Variants in TTN observed in about 807,000 individuals in gnomAD.
TTN encodes the protein titin, also known as connectin.
A neutral mutation model predicts 3,223.0 loss-of-function variants in TTN; 1,525 were observed. The ratio of observed to expected loss-of-function variants is 0.47; its 90% CI spans 0.45 to 0.49. The LOEUF (loss-of-function observed/expected upper bound fraction) is 0.49. Among genes scored for constraint, TTN ranks in the 20% least tolerant of loss-of-function variants. The pLI is 0.00. For missense variants in TTN, 40,786 were observed against 43,424.0 expected, an observed-to-expected ratio of 0.94 and a Z score of 5.40; for synonymous variants, 14,094 against 15,161.0, an observed-to-expected ratio of 0.93 and a Z score of 5.17.
At position 178,776,184 on chromosome 2, in the gene TTN, T is replaced by C. The variant is rs751529942; in HGVS notation, c.5680A>G (p.Ile1894Val). ...SKRFRVRYDG[I>V]HYLDIVDCKS... is the part of the protein sequence containing the mutation. ...CAGTCCACGATGTCCAGGTAATGGATACCATCATAGCGAACTCTGAACCTT... is the reference window on the plus strand; with the variant it reads ...CAGTCCACGATGTCCAGGTAATGGACACCATCATAGCGAACTCTGAACCTT... Residue 1894 changes from isoleucine (I) to valine (V), a missense_variant, in exon 28 of 363, where the codon ATC becomes GTC. Transcript: ENST00000589042. The C allele has an allele frequency of 2.5e-6, 4 of 1,614,168 alleles. No homozygotes were observed. In the South Asian group the frequency reaches 4.4e-5, roughly 18 times the overall value.
chr2:178,604,346 C>G, intron 281 of TTN, 41 bp from the exon 282 acceptor site: 1 of 1,379,994 alleles, frequency 7.2e-7, no homozygotes, highest in Non-Finnish European at 9.4e-7. Context: ...AGAGAATATA[C>G]TTATGTTGGT....
chr2:178,726,083 T>G, intron 69 of TTN, 37 bp from the exon 70 acceptor site: 1 of 1,491,758 alleles, frequency 6.7e-7, no homozygotes, highest in Non-Finnish European at 8.9e-7. Context: ...ATTGGGCTAC[T>G]GAATTTCACA....
At chr2:178,789,137 T>C (rs1194301111) in intron 13 of TTN, among the ~76,000 whole-genome samples, 2 of 152,032 alleles carry the variant, frequency 1.3e-5, no homozygotes, top group African/African-American at 2.4e-5. Flanking sequence ...ACAATAATGG[T>C]GAAGAGATAA....
Position 178,706,676 on chromosome 2 carries a change from TTTGTCCA to T in TTN, c.29191_29197del (p.Trp9731LysfsTer7). ...TTGGTTCAGCTGTCTCCACTTCCCT[TTTGTCCA>T]TTTAACATTTGGGATTGGGTCACCT... On this transcript the variant is annotated frameshift_variant, in exon 102 of 363. Coordinates refer to ENST00000589042, the MANE Select transcript of TTN (RefSeq NM_001267550.2). LOFTEE classifies it high-confidence loss of function. 1 of 1,613,808 alleles carries T rather than the reference TTTGTCCA, an allele frequency of 6.2e-7. No individual in the cohort carries two copies.
intron 13 of TTN, among the ~76,000 whole-genome samples, 167 bp downstream of exon 13, chr2:178,789,193 T>C (rs1219950658): frequency 1.3e-5 from 2 of 152,142 alleles, no homozygotes; most frequent in Non-Finnish European, 2.9e-5. Context: ...TAAATTTTTT[T>C]AGTTTCCAAT....
intron 22 of TTN, 36 bp downstream of exon 22, chr2:178,779,964 T>C (rs1390913837): frequency 2.1e-5 from 34 of 1,589,858 alleles, no homozygotes; most frequent in Non-Finnish European, 2.8e-5. Context: ...GTATAATTTA[T>C]GAAATTGTTT....
At chr2:178,726,290 A>C in intron 69 of TTN, 1 of 355,612 alleles carries the variant, frequency 2.8e-6, no homozygotes, top group Non-Finnish European at 5.0e-6. Flanking sequence ...CATTCTATCT[A>C]CTACACCTTA....
At position 178,618,507 on chromosome 2, in the gene TTN, A is replaced by G. The variant is rs752426817; in HGVS notation, c.46967-16T>C. ...CCAGGAACATCTGAAATTCACATAT[A>G]GAGGAATTTTTTTAGTGTGCTGTCT... On this transcript the variant is annotated splice_polypyrimidine_tract_variant and intron_variant, in intron 251 of 362. Transcript: ENST00000589042. 11 of 1,609,718 alleles carry G rather than the reference A, an allele frequency of 6.8e-6. No individual in the cohort carries two copies. The South Asian group carries it at 1.2e-4, about 18-fold the overall frequency.
chr2:178,695,796 C>T, intron 114 of TTN, 69 bp downstream of exon 114: 1 of 1,203,840 alleles, frequency 8.3e-7, no homozygotes, highest in East Asian at 2.7e-5. Flanking sequence ...AGGTTCATAG[C>T]ATTGAAAATT....
chr2:178,706,596 C>A lies in TTN; in HGVS notation c.29278G>T (p.Asp9760Tyr). 13 of 1,613,876 alleles carry A rather than the reference C, an allele frequency of 8.1e-6. No individual in the cohort carries two copies. The highest frequency in any genetic ancestry group is 1.1e-5 in the Non-Finnish European group (13 of 1,179,846). The change falls in exon 102 of 363, where the codon GAC (aspartate) becomes TAC (tyrosine). Residue 9760 changes from aspartate (D) to tyrosine (Y), a missense_variant. Physicochemically the swap from Asp to Tyr is radical, Grantham distance 160. Transcript: ENST00000589042. ...AACCCAGAATCAGTTTTTGTGGTGTCCCTAATCTCCAGTTTTGCTTCATCG... is the reference window on the plus strand; with the variant it reads ...AACCCAGAATCAGTTTTTGTGGTGTACCTAATCTCCAGTTTTGCTTCATCG... ...KGDEAKLEIR[D>Y]TTKTDSGLYR...
chr2:178,567,596 G>T lies in TTN; in HGVS notation c.78536C>A (p.Thr26179Asn). ...CTCATCCTTGGCAGTTATTGGTCCA[G>T]TACTGTCAGAGGGTTTACTTATTGC... Reference protein sequence around the residue: ...AGAISKPSDSTGPITAKDEVE... With the variant: ...AGAISKPSDSNGPITAKDEVE... Residue 26179 changes from threonine to asparagine, a missense_variant, in exon 326 of 363, where the codon ACT becomes AAT. Coordinates refer to ENST00000589042, the MANE Select transcript of TTN (RefSeq NM_001267550.2). 6.2e-7 allele frequency: 1 copy of T among 1,611,684 alleles called. No homozygotes were observed. The highest frequency in any genetic ancestry group is 8.5e-7 in the Non-Finnish European group (1 of 1,178,532).
chr2:178,766,875 T>C (rs2090537366), intron 40 of TTN, among the ~76,000 whole-genome samples: 1 of 152,206 alleles, frequency 6.6e-6, no homozygotes, highest in African/African-American at 2.4e-5. Flanking sequence ...AATTATTTCA[T>C]CCTTAAATGT....
At position 178,764,645 on chromosome 2, in the gene TTN, A is replaced by G. The variant is rs727503680; in HGVS notation, c.9870T>C (p.Asp3290=). ...STGFKCKFLH[D]GQEYTLLLIE... The stretch of plus-strand genomic sequence containing the variant: ...TTAGCAAAAGCGTGTATTCTTGCCC[A>G]TCATGAAGAAATTTGCACTTGAAGC... The change falls in exon 42 of 363, where the codon GAT becomes GAC. Residue 3290 remains aspartate, a synonymous_variant. Coordinates refer to ENST00000589042, the MANE Select transcript of TTN (RefSeq NM_001267550.2). 7 of 1,613,970 alleles carry G rather than the reference A, an allele frequency of 4.3e-6. No homozygotes were observed. Among genetic ancestry groups the G allele is most frequent in the South Asian group, 1.1e-5 (1 of 91,084 alleles).
In TTN at chr2:178,771,220, T is replaced by C. The variant is rs2091436984; in HGVS notation, c.8107A>G (p.Lys2703Glu). 1.9e-6 allele frequency: 3 copies of C among 1,613,934 alleles called. No homozygotes were observed. Among genetic ancestry groups the C allele is most frequent in the African/African-American group, 2.7e-5 (2 of 74,940 alleles). ...VATSKTSAKL[K>E]VEAVKIKKTL... The stretch of plus-strand genomic sequence containing the variant: ...ATCCTATGTTACTTGCCTTCAACTT[T>C]GAGTTTGGCAGATGTTTTGGAGGTG... Residue 2703 changes from lysine to glutamate, a missense_variant, in exon 34 of 363, where the codon AAA becomes GAA. Coordinates refer to ENST00000589042, the MANE Select transcript of TTN (RefSeq NM_001267550.2).
At position 178,614,277 on chromosome 2, in the gene TTN, G is replaced by A; in HGVS notation, c.49120C>T (p.Pro16374Ser). 1 of 1,612,670 alleles carries A rather than the reference G, an allele frequency of 6.2e-7. No individual in the cohort carries two copies. Among genetic ancestry groups the A allele is most frequent in the South Asian group, 1.1e-5 (1 of 91,046 alleles). Residue 16374 changes from proline (P) to serine (S), a missense_variant, in exon 262 of 363, where the codon CCA (proline) becomes TCA (serine). Physicochemically the swap from Pro to Ser is moderately conservative, Grantham distance 74 (BLOSUM62 -1). Coordinates refer to ENST00000589042, the MANE Select transcript of TTN (RefSeq NM_001267550.2). ...TNESCLLTWNPPRDDGGSKIT... is the reference protein window; with the variant it reads ...TNESCLLTWNSPRDDGGSKIT... ...TTAGATCCACCATCATCGCGTGGTGGGTTCCATGTTAGAAGACATGACTCA... is the reference window on the plus strand; with the variant it reads ...TTAGATCCACCATCATCGCGTGGTGAGTTCCATGTTAGAAGACATGACTCA...
rs745748342 is a variant in TTN at position 178,800,350 on chromosome 2, C to G, written c.583+45G>C. ...ACGCTTGGCCCCATTTAGACACAAA[C>G]CAGCTCTCTCCCCTTCTCTCTGTTC... On this transcript the variant is annotated intron_variant, in intron 4 of 362. Coordinates refer to ENST00000589042, the MANE Select transcript of TTN (RefSeq NM_001267550.2). The G allele has an allele frequency of 6.2e-6, 10 of 1,612,922 alleles. No individual in the cohort carries two copies. In the East Asian group the frequency reaches 2.2e-4, roughly 36 times the overall value.
At position 178,620,595 on chromosome 2, in the gene TTN, T is replaced by G. The variant is rs540113938; in HGVS notation, c.45926A>C (p.Lys15309Thr). 2 of 1,610,380 alleles carry G rather than the reference T, an allele frequency of 1.2e-6. No individual in the cohort carries two copies. The highest frequency in any genetic ancestry group is 1.3e-5 in the African/African-American group (1 of 74,784). ...TTTCTTCTCCATTGTTTCAATATCT[T>G]TAAGAGGCTCAACAATCCTAAGGTC... ...EEDLRIVEPLKDIETMEKKSV... is the reference protein window; with the variant it reads ...EEDLRIVEPLTDIETMEKKSV... The change falls in exon 248 of 363, where the codon AAA becomes ACA. Residue 15309 changes from lysine to threonine, a missense_variant. Lys to Thr is a moderately conservative substitution (Grantham distance 78, BLOSUM62 -1). Coordinates refer to ENST00000589042, the MANE Select transcript of TTN (RefSeq NM_001267550.2).
chr2:178,580,414 T>C lies in TTN; in HGVS notation c.66965A>G (p.Glu22322Gly). The C allele has an allele frequency of 6.2e-7, 1 of 1,613,326 alleles. No homozygotes were observed. The highest frequency in any genetic ancestry group is 8.5e-7 in the Non-Finnish European group (1 of 1,179,496). The change falls in exon 317 of 363, where the codon GAA (glutamate) becomes GGA (glycine). Residue 22322 changes from glutamate (E) to glycine (G), a missense_variant. Coordinates refer to ENST00000589042, the MANE Select transcript of TTN (RefSeq NM_001267550.2). Reference protein sequence around the residue: ...STDFDTFLRCENVNKYDAGKY... With the variant: ...STDFDTFLRCGNVNKYDAGKY... The stretch of plus-strand genomic sequence containing the variant: ...TCCTGCATCATATTTGTTCACATTT[T>C]CACAGCGCAAGAAAGTGTCAAAGTC...
At chr2:178,693,887 C>T (rs533764206) in intron 118 of TTN, 35 bp downstream of exon 118, 2 of 1,585,158 alleles carry the variant, frequency 1.3e-6, no homozygotes, top group African/African-American at 2.7e-5. Flanking sequence ...TAAAACCCTT[C>T]CATTTGAGCC....
Sources: gnomAD v4.1 joint callset for allele counts (sites outside exome capture counted in the v4.1 genomes callset) on GRCh38, gnomAD v4.1.1 for gene constraint, MANE v1.5 for transcripts, NCBI Gene and HGNC (gene_info 2026-07-23, HGNC 2026-07-21) for gene names.